The following GDAP2 variants were observed in gnomAD, a reference collection of about 807,000 sequenced individuals.
GDAP2 encodes ganglioside-induced differentiation-associated protein 2.
GDAP2 carries 51 observed loss-of-function variants against 67.0 expected under a neutral mutation model. The ratio of observed to expected loss-of-function variants is 0.76; its 90% CI spans 0.61 to 0.96. The LOEUF is 0.96. Among genes scored for constraint, GDAP2 ranks in the 40% least tolerant of loss-of-function variants. GDAP2 has a pLI of 0.00. For missense variants in GDAP2, 547 were observed against 588.3 expected, an observed-to-expected ratio of 0.93 and a Z score of 0.73; for synonymous variants, 203 against 207.3, an observed-to-expected ratio of 0.98 and a Z score of 0.18.
intron 9 of GDAP2, 56 bp downstream of exon 9, chr1:117,887,642 T>C (rs1427361013): frequency 1.8e-5 from 16 of 866,716 alleles, no homozygotes; most frequent in Admixed American, 1.5e-4. Flanking sequence ...TCAAATAGCA[T>C]GCTTGGTAGG....
rs116402521 is a variant in GDAP2 at position 117,924,188 on chromosome 1, T to C, written c.-67-3764A>G. Among the ~76,000 whole-genome samples the C allele has an allele frequency of 7.8e-3, 1,191 of 152,246 alleles. 16 individuals carry two copies. The highest frequency in any genetic ancestry group is 0.027 in the African/African-American group (1,101 of 41,542). On this transcript the variant is annotated intron_variant, in intron 1 of 13. Transcript: ENST00000369443. ...TGTGCAGGTTAGTTATGTAGGTAAA[T>C]TGCATGTCACAGGGGTCTGGTGTAC...
rs1334581416 is a variant in GDAP2 at position 117,866,461 on chromosome 1, CA to C, written c.*4107del. On this transcript the variant is annotated 3_prime_UTR_variant, in exon 14 of 14. Coordinates refer to ENST00000369443, the MANE Select transcript of GDAP2 (RefSeq NM_017686.4). ...CCTTTCATTCTTCATGGTCTTTTTG[CA>C]AAACAAGAGTTAATTATATGCCAAG... 1 of 152,178 alleles carries C rather than the reference CA, an allele frequency of 6.6e-6. No individual in the cohort carries two copies. Among genetic ancestry groups the C allele is most frequent in the East Asian group, 1.9e-4 (1 of 5,180 alleles). The allele number at this position is 152,178 out of a possible 1,614,324, so 9.4% of individuals were successfully genotyped here.
chr1:117,880,313 A>C (rs1345602943), intron 12 of GDAP2, among the ~76,000 whole-genome samples: 2 of 152,186 alleles, frequency 1.3e-5, no homozygotes, highest in African/African-American at 2.4e-5. Flanking sequence ...AGGAGAAGTG[A>C]TCAACTGTGT....
chr1:117,902,471 A>G (rs1649513312), intron 6 of GDAP2, among the ~76,000 whole-genome samples: 3 of 152,174 alleles, frequency 2.0e-5, no homozygotes, highest in Admixed American at 6.5e-5. Flanking sequence ...TTTTGAGCTA[A>G]TTTTTGTATC....
At position 117,881,877 on chromosome 1, in the gene GDAP2, C is replaced by T. The variant is rs746599798; in HGVS notation, c.1248G>A (p.Lys416=). 1 of 1,544,320 alleles carries T rather than the reference C, an allele frequency of 6.5e-7. No homozygotes were observed. Among genetic ancestry groups the T allele is most frequent in the East Asian group, 2.2e-5 (1 of 44,534 alleles). ...AAACAGCCTTCAAATTCCTCTTGTA[C>T]CTGATCCAAAAATAAAATGACAAAA... The part of the protein sequence containing the change: ...LKKLYDVVDV[K]YKRNLKAVYF... Residue 416 remains lysine (K), a splice_region_variant and synonymous_variant, in exon 12 of 14, where the codon AAG becomes AAA. Transcript: ENST00000369443.
At chr1:117,889,981 A>G (rs989169081) in intron 8 of GDAP2, among the ~76,000 whole-genome samples, 2 of 152,162 alleles carry the variant, frequency 1.3e-5, no homozygotes, top group Non-Finnish European at 2.9e-5. Flanking sequence ...TTGCTAAATG[A>G]AATAATAAAC....
chr1:117,925,078 C>T (rs897444706), intron 1 of GDAP2, among the ~76,000 whole-genome samples: 2 of 152,094 alleles, frequency 1.3e-5, no homozygotes, highest in Non-Finnish European at 2.9e-5. Context: ...AACTTGAATG[C>T]CAACTTTCAG....
At chr1:117,918,872 GA>G (rs1650142848) in intron 2 of GDAP2, 136 bp from the exon 3 acceptor site, 1 of 690,902 alleles carries the variant, frequency 1.4e-6, no homozygotes, top group African/African-American at 1.9e-5. Context: ...AGCAATAGTA[GA>G]AAAGAAATTT....
intron 5 of GDAP2, among the ~76,000 whole-genome samples, chr1:117,907,476 G>A (rs1258812341): frequency 1.3e-5 from 2 of 152,030 alleles, no homozygotes; most frequent in Non-Finnish European, 2.9e-5. Context: ...GACCCCAACA[G>A]GTCCAAATCC....
At position 117,866,836 on chromosome 1, in the gene GDAP2, C is replaced by CA. The variant is rs748347908; in HGVS notation, c.*3732dup. ...GCCATTGCACTCCAGCCTGGGTGAC[C>CA]AAAAAAAAAAAAAAAGTACAGTAAG... On this transcript the variant is annotated 3_prime_UTR_variant, in exon 14 of 14. Transcript: ENST00000369443. 3,072 of 81,472 alleles carry CA rather than the reference C, an allele frequency of 0.038. 58 individuals carry two copies. Among genetic ancestry groups the CA allele is most frequent in the Middle Eastern group, 0.057 (8 of 140 alleles). 5.0% of individuals were successfully genotyped at this position (81,472 alleles called of 1,614,324 possible).
intron 2 of GDAP2, among the ~76,000 whole-genome samples, chr1:117,919,945 G>A (rs764053792): frequency 1.3e-5 from 2 of 152,158 alleles, no homozygotes; most frequent in Non-Finnish European, 2.9e-5. Context: ...TTTTGGAGGT[G>A]ACAGGTATAT....
intron 3 of GDAP2, chr1:117,913,429 A>G (rs1649933447): frequency 6.6e-6 from 1 of 151,530 alleles, no homozygotes; most frequent in African/African-American, 2.4e-5. Flanking sequence ...CCACCAGAGC[A>G]GCAGGGAAGA....
At chr1:117,887,401 C>T (rs559991676) in intron 9 of GDAP2, among the ~76,000 whole-genome samples, 8 of 152,048 alleles carry the variant, frequency 5.3e-5, no homozygotes, top group East Asian at 1.9e-4. Context: ...CATATATTTA[C>T]GTAAGGTTTG....
intron 8 of GDAP2, among the ~76,000 whole-genome samples, chr1:117,891,797 C>A (rs1649093669): frequency 6.6e-6 from 1 of 152,000 alleles, no homozygotes; most frequent in Non-Finnish European, 1.5e-5. Flanking sequence ...AAAAATCTTC[C>A]CTTTCTCTAA....
intron 3 of GDAP2, among the ~76,000 whole-genome samples, chr1:117,916,242 C>G (rs1289951990): frequency 6.6e-6 from 1 of 152,028 alleles, no homozygotes; most frequent in Non-Finnish European, 1.5e-5. Context: ...AGATACAAGC[C>G]AAGACTTAAG....
At chr1:117,877,520 A>G in intron 13 of GDAP2, 3 of 975,612 alleles carry the variant, frequency 3.1e-6, no homozygotes, top group Non-Finnish European at 3.7e-6. Flanking sequence ...GCATCTATAA[A>G]TAACAACAAT....
intron 7 of GDAP2, among the ~76,000 whole-genome samples, 197 bp downstream of exon 7, chr1:117,898,858 CTT>C (rs1649349288): frequency 6.6e-6 from 1 of 152,174 alleles, no homozygotes; most frequent in South Asian, 2.1e-4. Flanking sequence ...CTAACACAGA[CTT>C]GACGTATATC....
In GDAP2 at chr1:117,894,395, C is replaced by T. The variant is rs1193342970; in HGVS notation, c.953+2438G>A. On this transcript the variant is annotated intron_variant, in intron 8 of 13. Coordinates refer to ENST00000369443, the MANE Select transcript of GDAP2 (RefSeq NM_017686.4). ...GCATTTTTCACTGCATAGACATTTA[C>T]ATTGATAGTGCAAAAGCAACTAATG... 3.3e-5 allele frequency among the ~76,000 whole-genome samples: 5 copies of T among 152,232 alleles called. 1 individual carries two copies. Among genetic ancestry groups the T allele is most frequent in the Middle Eastern group, 6.8e-3 (2 of 294 alleles).
At chr1:117,888,504 A>T (rs1648948197) in intron 8 of GDAP2, among the ~76,000 whole-genome samples, 1 of 152,200 alleles carries the variant, frequency 6.6e-6, no homozygotes, top group Non-Finnish European at 1.5e-5. Context: ...CAGACTTCCC[A>T]GCCTATTAAA....
Sources: allele counts gnomAD v4.1 joint callset (sites outside exome capture counted in the v4.1 genomes callset), GRCh38; gene constraint gnomAD v4.1.1; transcripts MANE v1.5; gene names NCBI Gene and HGNC (gene_info 2026-07-23, HGNC 2026-07-21).